The following OAT variants were observed in gnomAD, a reference collection of about 807,000 sequenced individuals.
OAT encodes the protein ornithine aminotransferase.
Under a neutral mutation model 48.4 loss-of-function variants are expected in OAT, and 35 were observed. That is an observed-to-expected ratio of 0.72 (90% CI 0.55 to 0.96). The LOEUF (loss-of-function observed/expected upper bound fraction) is 0.96, where lower values mean the gene tolerates loss of function less well. Ranked by LOEUF, OAT falls within the 40% of genes least tolerant of loss-of-function variation. The pLI is 0.00. For missense variants in OAT, 438 were observed against 537.9 expected (o/e 0.81, Z 1.84); for synonymous variants, 182 against 198.4 (o/e 0.92, Z 0.70).
At chr10:124,413,555 T>C (rs1328826456) in intron 1 of OAT, among the ~76,000 whole-genome samples, 2 of 152,012 alleles carry the variant, frequency 1.3e-5, no homozygotes, top group African/African-American at 4.8e-5. Flanking sequence ...TGGTGGTGCA[T>C]GCCTGTAATC....
intron 1 of OAT, chr10:124,415,074 TAAAAAAAAAA>T (rs75952005): frequency 1.2e-4 from 2 of 16,854 alleles, no homozygotes; most frequent in African/African-American, 1.8e-4. Context: ...TACAAAGCGC[TAAAAAAAAAA>T]AAAAAAAAAA....
chr10:124,413,267 T>TACACACAC (rs58272470), intron 1 of OAT, among the ~76,000 whole-genome samples: 171 of 134,648 alleles, frequency 1.3e-3, no homozygotes, highest in South Asian at 5.7e-3. Flanking sequence ...CATAAATACA[T>TACACACAC]ACACACACAC....
chr10:124,397,597 A>C lies in OAT; in HGVS notation c.*345T>G. 4.9e-6 allele frequency: 1 copy of C among 203,952 alleles called. No individual in the cohort carries two copies. The highest frequency in any genetic ancestry group is 1.3e-4 in the East Asian group (1 of 7,710). The allele number at this position is 203,952 out of a possible 1,614,324, so 12.6% of individuals were successfully genotyped here. ...CCAGAGATAACTTTTTCAAATATGAAACACTTATACCAGTGAGGAAATTAT... is the reference window on the plus strand; with the variant it reads ...CCAGAGATAACTTTTTCAAATATGACACACTTATACCAGTGAGGAAATTAT... On this transcript the variant is annotated 3_prime_UTR_variant, in exon 10 of 10. Coordinates refer to ENST00000368845, the MANE Select transcript of OAT (RefSeq NM_000274.4).
chr10:124,403,078 C>T (rs994228531), intron 6 of OAT, 23 bp from the exon 7 acceptor site: 2 of 1,613,300 alleles, frequency 1.2e-6, no homozygotes, highest in Non-Finnish European at 1.7e-6. Context: ...AAAAATACCC[C>T]TATTAGTGAT....
At chr10:124,406,546 TG>T (rs1951583037) in intron 4 of OAT, among the ~76,000 whole-genome samples, 1 of 151,588 alleles carries the variant, frequency 6.6e-6, no homozygotes, top group African/African-American at 2.4e-5. Context: ...CCGGGTGCAG[TG>T]GCTCACGCCT....
intron 8 of OAT, 38 bp from the exon 9 acceptor site, chr10:124,401,022 T>C: frequency 6.4e-7 from 1 of 1,550,634 alleles, no homozygotes; most frequent in Non-Finnish European, 8.8e-7. Flanking sequence ...ATTAAGACTG[T>C]CCTTTTTTTG....
In OAT at chr10:124,412,183, A is replaced by C. The variant is rs775990544; in HGVS notation, c.-12T>G. 4.2e-5 allele frequency: 67 copies of C among 1,611,814 alleles called. No homozygotes were observed. In the African/African-American group the frequency reaches 7.2e-4, roughly 17 times the overall value. On this transcript the variant is annotated 5_prime_UTR_variant, in exon 2 of 10. Transcript: ENST00000368845. ...AGTTTGGAAAACATTGTGTCCTTCA[A>C]GTAGAAAAACCACAGATCTGTCCAA...
chr10:124,398,154 C>A, intron 9 of OAT, 52 bp from the exon 10 acceptor site: 3 of 1,601,960 alleles, frequency 1.9e-6, no homozygotes, highest in South Asian at 2.2e-5. Flanking sequence ...TTTAAACATC[C>A]CTTGCCGTAT....
At chr10:124,406,760 G>A (rs1314354130) in intron 4 of OAT, among the ~76,000 whole-genome samples, 1 of 139,902 alleles carries the variant, frequency 7.1e-6, no homozygotes, top group Non-Finnish European at 1.5e-5. Flanking sequence ...AGGTTACAGT[G>A]AGCCAGACTG....
At chr10:124,418,147 A>T (rs1008847369) in intron 1 of OAT, 3 of 151,746 alleles carry the variant, frequency 2.0e-5, no homozygotes, top group African/African-American at 7.3e-5. Flanking sequence ...ATCCCCCACC[A>T]TCTAATTAAC....
chr10:124,397,982 T>G lies in OAT; in HGVS notation c.1280A>C (p.Glu427Ala). ...PLVIKEDELR[E>A]SIEIINKTIL... The stretch of plus-strand genomic sequence containing the variant: ...GGTCTTGTTAATAATTTCAATGGAC[T>G]CTCGAAGCTCATCCTCCTTGATCAC... Residue 427 changes from glutamate to alanine, a missense_variant, in exon 10 of 10, where the codon GAG (glutamate) becomes GCG (alanine). Coordinates refer to ENST00000368845, the MANE Select transcript of OAT (RefSeq NM_000274.4). 6.2e-7 allele frequency: 1 copy of G among 1,613,898 alleles called. No homozygotes were observed. The highest frequency in any genetic ancestry group is 8.5e-7 in the Non-Finnish European group (1 of 1,179,856).
chr10:124,405,989 T>C, intron 4 of OAT: 1 of 1,082,932 alleles, frequency 9.2e-7, no homozygotes, highest in Non-Finnish European at 1.1e-6. Context: ...CTTTCAAAAC[T>C]CCAATACTGC....
Position 124,401,800 on chromosome 10 carries a change from T to C in OAT, c.940A>G (p.Ile314Val). The change falls in exon 8 of 10, where the codon ATT becomes GTT. Residue 314 changes from isoleucine (I) to valine (V), a missense_variant. Physicochemically the swap from Ile to Val is conservative, Grantham distance 29. Transcript: ENST00000368845. ...VLCDDDIMLT[I>V]KPGEHGSTYG... The stretch of plus-strand genomic sequence containing the variant: ...GTGGACCCATGCTCCCCTGGCTTAA[T>C]GGTCAGCATGATGTCATCATCACAC... 10 of 1,613,408 alleles carry C rather than the reference T, an allele frequency of 6.2e-6. No homozygotes were observed. The highest frequency in any genetic ancestry group is 1.1e-5 in the South Asian group (1 of 91,082).
At chr10:124,402,703 C>CAT (rs1183538503) in intron 7 of OAT, among the ~76,000 whole-genome samples, 2 of 152,174 alleles carry the variant, frequency 1.3e-5, no homozygotes, top group East Asian at 3.9e-4. Flanking sequence ...AATCCAATGT[C>CAT]ATAGCAAATT....
At position 124,408,343 on chromosome 10, in the gene OAT, ATT is replaced by A. The variant is rs146556713; in HGVS notation, c.520+197_520+198del. On this transcript the variant is annotated intron_variant, in intron 4 of 9. Coordinates refer to ENST00000368845, the MANE Select transcript of OAT (RefSeq NM_000274.4). ...TATATATATATATATATATATATAT[ATT>A]TTTTTTTTTTTTTTTTAAATAGAGA... is the stretch of plus-strand genomic sequence containing the variant. 7.1e-3 allele frequency among the ~76,000 whole-genome samples: 596 copies of A among 83,632 alleles called. 4 individuals are homozygous for A. The highest frequency in any genetic ancestry group is 8.3e-3 in the Admixed American group (46 of 5,560). The allele number at this position is 83,632 out of a possible 152,430, so 54.9% of individuals were successfully genotyped here. A position where few individuals can be genotyped will look rare whatever the true frequency, so the allele number is the denominator to read the frequency against.
intron 1 of OAT, among the ~76,000 whole-genome samples, 156 bp downstream of exon 1, chr10:124,418,717 C>T (rs893103530): frequency 1.3e-5 from 2 of 152,096 alleles, no homozygotes. Flanking sequence ...TGAAGCGGGG[C>T]TCGTTCCCCG....
chr10:124,407,166 A>G, intron 4 of OAT: 2 of 985,430 alleles, frequency 2.0e-6, no homozygotes, highest in African/African-American at 3.5e-5. Context: ...CTTGTCCACA[A>G]AAAATAGCAC....
Position 124,412,028 on chromosome 10 carries a change from A to T in OAT, c.144T>A (p.Tyr48Ter), listed in dbSNP as rs764209147. The change falls in exon 2 of 10, where the codon TAT becomes TAA. Residue 48 changes from tyrosine (Y) to a stop codon, truncating the protein, a stop_gained. Coordinates refer to ENST00000368845, the MANE Select transcript of OAT (RefSeq NM_000274.4). LOFTEE classifies it high-confidence loss of function. ...PTSDDIFERE[Y>*]KYGAHNYHPL... Reference sequence around the variant, plus strand: ...GATGGTAGTTGTGTGCACCATACTTATATTCCCTTTCAAAAATGTCATCAG... The same window carrying T: ...GATGGTAGTTGTGTGCACCATACTTTTATTCCCTTTCAAAAATGTCATCAG... 1 of 1,614,246 alleles carries T rather than the reference A, an allele frequency of 6.2e-7. No individual in the cohort carries two copies. Among genetic ancestry groups the T allele is most frequent in the Non-Finnish European group, 8.5e-7 (1 of 1,180,036 alleles).
rs1462165846 is a variant in OAT, at chr10:124,408,311, GTGTGTGTATATATATATA to G, written c.520+213_520+230del. ...TGTGTGTGTGTGTGTGTGTGTGTGTGTGTGTGTATATATATATATATATATATATATATTTTTTTTTTT... is the reference window on the plus strand; with the variant it reads ...TGTGTGTGTGTGTGTGTGTGTGTGTGTATATATATATATATTTTTTTTTTT... On this transcript the variant is annotated intron_variant, in intron 4 of 9. Coordinates refer to ENST00000368845, the MANE Select transcript of OAT (RefSeq NM_000274.4). 5.4e-3 allele frequency among the ~76,000 whole-genome samples: 330 copies of G among 61,598 alleles called. 2 individuals are homozygous for G. The highest frequency in any genetic ancestry group is 0.026 in the African/African-American group (314 of 11,902). The allele number at this position is 61,598 out of a possible 152,430, so 40.4% of individuals were successfully genotyped here. A position where few individuals can be genotyped will look rare whatever the true frequency, so the allele number is the denominator to read the frequency against.
Sources: allele counts gnomAD v4.1 joint callset (sites outside exome capture counted in the v4.1 genomes callset), GRCh38; gene constraint gnomAD v4.1.1; transcripts MANE v1.5; gene names NCBI Gene and HGNC (gene_info 2026-07-23, HGNC 2026-07-21).